Variants in KRR1 observed in about 807,000 individuals in gnomAD.
KRR1 encodes KRR1 small subunit processome component, also known as KRR1 small subunit processome component homolog.
KRR1 carries 23 observed loss-of-function variants against 50.0 expected under a neutral mutation model. The ratio of observed to expected loss-of-function variants is 0.46; its 90% CI spans 0.33 to 0.65. The LOEUF is 0.65. Ranked by LOEUF, KRR1 falls within the 30% of genes least tolerant of loss-of-function variation. The probability of loss-of-function intolerance (pLI) is 0.02; values close to 1 mark genes in which losing one functional copy is unlikely to be tolerated. For missense variants in KRR1, 419 were observed against 442.4 expected (o/e 0.95, Z 0.47); for synonymous variants, 133 against 146.3 (o/e 0.91, Z 0.66).
chr12:75,504,850 C>T (rs1795744), intron 6 of KRR1, among the ~76,000 whole-genome samples: 94,209 of 151,838 alleles, frequency 0.62, 29,381 homozygotes, highest in South Asian at 0.67. Flanking sequence ...GGCAGATTTC[C>T]GAAAGATCAT....
intron 1 of KRR1, among the ~76,000 whole-genome samples, chr12:75,509,932 C>T (rs575912743): frequency 6.6e-6 from 1 of 152,118 alleles, no homozygotes; most frequent in African/African-American, 2.4e-5. Flanking sequence ...AATTTAAACA[C>T]TTCAAAGGCT....
In KRR1 at chr12:75,492,088, C is replaced by T. The variant is rs1402455932; in HGVS notation, c.*7721G>A. The T allele has an allele frequency of 5.0e-5, 7 of 140,590 alleles. No individual in the cohort carries two copies. The highest frequency in any genetic ancestry group is 7.6e-5 in the Non-Finnish European group (5 of 65,434). The allele number at this position is 140,590 out of a possible 1,614,324, so 8.7% of individuals were successfully genotyped here. On this transcript the variant is annotated 3_prime_UTR_variant, in exon 10 of 10. Transcript: ENST00000229214. ...TTCAGTTAGTGGTAACTTTTCATGA[C>T]TTTTTTTTTTTTTTTTGAGACAGGG...
chr12:75,506,110 CCATAGTTG>C (rs1266669514), intron 5 of KRR1, 198 bp downstream of exon 5: 2 of 422,512 alleles, frequency 4.7e-6, no homozygotes, highest in Admixed American at 4.1e-5. Flanking sequence ...ATGGATGTCT[CCATAGTTG>C]CCAAGGTTGG....
rs952379404 is a variant in KRR1 at position 75,491,681 on chromosome 12, C to T, written c.*8128G>A. On this transcript the variant is annotated 3_prime_UTR_variant, in exon 10 of 10. Transcript: ENST00000229214. The stretch of plus-strand genomic sequence containing the variant: ...ATGGCATTTCATTTGCTTTCTTTTG[C>T]ATCTCTGTGATTACTAGTAATTATA... 1 of 152,036 alleles carries T rather than the reference C, an allele frequency of 6.6e-6. No homozygotes were observed. Among genetic ancestry groups the T allele is most frequent in the Non-Finnish European group, 1.5e-5 (1 of 68,016 alleles). The allele number at this position is 152,036 out of a possible 1,614,324, so 9.4% of individuals were successfully genotyped here.
intron 9 of KRR1, chr12:75,501,470 A>G: frequency 2.6e-6 from 1 of 378,230 alleles, no homozygotes; most frequent in Non-Finnish European, 4.8e-6. Context: ...TATCTTTCAC[A>G]ACAAAGAGTC....
intron 2 of KRR1, 46 bp from the exon 3 acceptor site, chr12:75,506,962 T>C: frequency 6.6e-7 from 1 of 1,523,452 alleles, no homozygotes; most frequent in East Asian, 2.4e-5. Context: ...AAATGAGTTT[T>C]TTTAGATAAT....
At chr12:75,505,034 G>C (rs2046415831) in intron 6 of KRR1, among the ~76,000 whole-genome samples, 164 bp downstream of exon 6, 1 of 151,656 alleles carries the variant, frequency 6.6e-6, no homozygotes, top group Admixed American at 6.6e-5. Flanking sequence ...ACAAAACTGG[G>C]GTAGAATTAA....
intron 7 of KRR1, chr12:75,503,559 AC>A (rs1236314946): frequency 6.0e-6 from 1 of 165,756 alleles, no homozygotes; most frequent in Non-Finnish European, 1.3e-5. Flanking sequence ...AGATTTCAGA[AC>A]AAGAACAACC....
rs1391269470 is a variant in KRR1 at position 75,499,615 on chromosome 12, C to T, written c.*194G>A. 1 of 336,146 alleles carries T rather than the reference C, an allele frequency of 3.0e-6. No homozygotes were observed. Among genetic ancestry groups the T allele is most frequent in the Admixed American group, 4.5e-5 (1 of 22,048 alleles). 20.8% of individuals were successfully genotyped at this position (336,146 alleles called of 1,614,324 possible). A position where few individuals can be genotyped will look rare whatever the true frequency, so the allele number is the denominator to read the frequency against. ...CGTAATGTATACAAAGACTTATATA[C>T]CACTTTCTCGTATAAATTTTTCAAA... On this transcript the variant is annotated 3_prime_UTR_variant, in exon 10 of 10. Coordinates refer to ENST00000229214, the MANE Select transcript of KRR1 (RefSeq NM_007043.7).
chr12:75,504,670 C>A (rs2046414020), intron 6 of KRR1, among the ~76,000 whole-genome samples: 1 of 152,038 alleles, frequency 6.6e-6, no homozygotes. Flanking sequence ...GATTGCTCAA[C>A]AAACCCATCA....
In KRR1 at chr12:75,490,882, A is replaced by T. The variant is rs1036935153; in HGVS notation, c.*8927T>A. The T allele has an allele frequency of 1.3e-5, 2 of 156,772 alleles. No homozygotes were observed. Among genetic ancestry groups the T allele is most frequent in the African/African-American group, 4.8e-5 (2 of 41,598 alleles). The allele number at this position is 156,772 out of a possible 1,614,324, so 9.7% of individuals were successfully genotyped here. ...CTGATGTTATATTTATTGGTTTATTAGAAACTTGGCAATTTTACACAATTT... is the reference window on the plus strand; with the variant it reads ...CTGATGTTATATTTATTGGTTTATTTGAAACTTGGCAATTTTACACAATTT... On this transcript the variant is annotated 3_prime_UTR_variant, in exon 10 of 10. Coordinates refer to ENST00000229214, the MANE Select transcript of KRR1 (RefSeq NM_007043.7).
At position 75,506,616 on chromosome 12, in the gene KRR1, C is replaced by CAAAAAAAAAAAAAAAAAAAAAAAAAAAA. The variant is rs35071517; in HGVS notation, c.394-8_394-7insTTTTTTTTTTTTTTTTTTTTTTTTTTTT. 3 of 962,218 alleles carry CAAAAAAAAAAAAAAAAAAAAAAAAAAAA rather than the reference C, an allele frequency of 3.1e-6. No individual in the cohort carries two copies. The African/African-American group carries it at 5.9e-5, about 19-fold the overall frequency. 59.6% of individuals were successfully genotyped at this position (962,218 alleles called of 1,614,324 possible). A position where few individuals can be genotyped will look rare whatever the true frequency, so the allele number is the denominator to read the frequency against. On this transcript the variant is annotated splice_polypyrimidine_tract_variant and splice_region_variant and intron_variant, in intron 3 of 9. Coordinates refer to ENST00000229214, the MANE Select transcript of KRR1 (RefSeq NM_007043.7). ...CCTGAAGAATTCGTACTGCCTTTTG[C>CAAAAAAAAAAAAAAAAAAAAAAAAAAAA]AAAAAAAAAAAAAAAAAGAAGACAT...
chr12:75,506,105 T>C (rs2046420393), intron 5 of KRR1: 4 of 402,000 alleles, frequency 1.0e-5, no homozygotes, highest in African/African-American at 2.1e-5. Flanking sequence ...CAGAAATGGA[T>C]GTCTCCATAG....
chr12:75,511,383 G>T, intron 1 of KRR1, 130 bp downstream of exon 1: 1 of 766,206 alleles, frequency 1.3e-6, no homozygotes, highest in Non-Finnish European at 2.2e-6. Flanking sequence ...AATCTTATCA[G>T]CGATTATTCA....
In KRR1 at chr12:75,499,757, C is replaced by T; in HGVS notation, c.*52G>A. On this transcript the variant is annotated 3_prime_UTR_variant, in exon 10 of 10. Coordinates refer to ENST00000229214, the MANE Select transcript of KRR1 (RefSeq NM_007043.7). Reference sequence around the variant, plus strand: ...AAATAAGGCAACTAATGCCTGATATCTCAAAATCCTTTACAAAAGGAGATA... The same window carrying T: ...AAATAAGGCAACTAATGCCTGATATTTCAAAATCCTTTACAAAAGGAGATA... The T allele has an allele frequency of 7.0e-7, 1 of 1,431,286 alleles. No homozygotes were observed. The highest frequency in any genetic ancestry group is 2.5e-5 in the East Asian group (1 of 40,274). 88.7% of individuals were successfully genotyped at this position (1,431,286 alleles called of 1,614,324 possible).
Position 75,496,472 on chromosome 12 carries a change from T to G in KRR1, c.*3337A>C, listed in dbSNP as rs986833207. ...ATTTCCAAGGATGTTTTACTAAACA[T>G]CCAAGCAAAATTCTGCTTTGTGATT... On this transcript the variant is annotated 3_prime_UTR_variant, in exon 10 of 10. Transcript: ENST00000229214. The G allele has an allele frequency of 6.6e-6, 1 of 152,176 alleles. No individual in the cohort carries two copies. Among genetic ancestry groups the G allele is most frequent in the African/African-American group, 2.4e-5 (1 of 41,458 alleles). The allele number at this position is 152,176 out of a possible 1,614,324, so 9.4% of individuals were successfully genotyped here. A position where few individuals can be genotyped will look rare whatever the true frequency, so the allele number is the denominator to read the frequency against.
At chr12:75,504,250 T>C in intron 6 of KRR1, 176 bp from the exon 7 acceptor site, 1 of 398,884 alleles carries the variant, frequency 2.5e-6, no homozygotes. Context: ...TGTATAATTA[T>C]TAGAAAACCA....
At chr12:75,505,101 C>T (rs2046415999) in intron 6 of KRR1, 97 bp downstream of exon 6, 1 of 1,233,528 alleles carries the variant, frequency 8.1e-7, no homozygotes, top group African/African-American at 1.6e-5. Flanking sequence ...TCTGTTTGTG[C>T]ATTAGAATTT....
rs552247150 is a variant in KRR1 at position 75,499,125 on chromosome 12, T to C, written c.*684A>G. The C allele has an allele frequency of 6.0e-6, 3 of 496,782 alleles. No homozygotes were observed. Among genetic ancestry groups the C allele is most frequent in the African/African-American group, 4.0e-5 (2 of 49,770 alleles). The allele number at this position is 496,782 out of a possible 1,614,324, so 30.8% of individuals were successfully genotyped here. ...CAATACTCTTACTCAAAAGAAGAAATTTCCTAACTCTATCAGATAAACTCA... is the reference window on the plus strand; with the variant it reads ...CAATACTCTTACTCAAAAGAAGAAACTTCCTAACTCTATCAGATAAACTCA... On this transcript the variant is annotated 3_prime_UTR_variant, in exon 10 of 10. Coordinates refer to ENST00000229214, the MANE Select transcript of KRR1 (RefSeq NM_007043.7).
Sources: allele counts gnomAD v4.1 joint callset (sites outside exome capture counted in the v4.1 genomes callset), GRCh38; gene constraint gnomAD v4.1.1; transcripts MANE v1.5; gene names NCBI Gene and HGNC (gene_info 2026-07-23, HGNC 2026-07-21).